The following CHN2 variants were observed in gnomAD, a reference collection of about 807,000 sequenced individuals.
CHN2 encodes the protein chimerin 2.
Under a neutral mutation model 56.3 loss-of-function variants are expected in CHN2, and 35 were observed. That is an observed-to-expected ratio of 0.62 (90% confidence interval 0.47 to 0.82). CHN2 has a LOEUF of 0.82. Ranked by LOEUF, CHN2 falls within the 40% of genes least tolerant of loss-of-function variation. The pLI, the probability that CHN2 is intolerant of heterozygous loss-of-function variation, is 0.00. For missense variants in CHN2, 491 were observed against 580.5 expected, an observed-to-expected ratio of 0.85 and a Z score of 1.58; for synonymous variants, 210 against 212.8, an observed-to-expected ratio of 0.99 and a Z score of 0.12.
intron 1 of CHN2, among the ~76,000 whole-genome samples, chr7:29,319,367 A>C (rs866288159): frequency 2.6e-5 from 4 of 152,080 alleles, no homozygotes; most frequent in Admixed American, 6.6e-5. Context: ...TGAGGGGAGG[A>C]GGAGGAGAAA....
At chr7:29,397,845 G>A (rs1350059181) in intron 4 of CHN2, 2 of 152,436 alleles carry the variant, frequency 1.3e-5, no homozygotes, top group Admixed American at 1.3e-4. Context: ...ATACCCATAA[G>A]CTATTGCTCT....
intron 1 of CHN2, among the ~76,000 whole-genome samples, chr7:29,354,081 G>A (rs886247315): frequency 1.3e-4 from 20 of 152,206 alleles, no homozygotes; most frequent in African/African-American, 4.6e-4. Context: ...TAAGTCACAC[G>A]TTGGAGTTAA....
chr7:29,230,528 A>G (rs1786593774), intron 1 of CHN2, among the ~76,000 whole-genome samples: 1 of 152,150 alleles, frequency 6.6e-6, no homozygotes, highest in African/African-American at 2.4e-5. Context: ...TTTAGTAGAG[A>G]CGGAGTTTCA....
chr7:29,341,162 G>C (rs765185312), intron 1 of CHN2, among the ~76,000 whole-genome samples: 1 of 152,184 alleles, frequency 6.6e-6, no homozygotes, highest in Non-Finnish European at 1.5e-5. Flanking sequence ...TTATTGACAA[G>C]AGCACGGTTT....
chr7:29,169,569 A>C (rs1352910633), intron 2 of CHN2, among the ~76,000 whole-genome samples: 1 of 152,210 alleles, frequency 6.6e-6, no homozygotes, highest in Non-Finnish European at 1.5e-5. Context: ...CTGACGGTGT[A>C]CTGAAGAGTA....
At chr7:29,165,677 T>A (rs1401065869) in intron 2 of CHN2, among the ~76,000 whole-genome samples, 1 of 152,240 alleles carries the variant, frequency 6.6e-6, no homozygotes, top group Admixed American at 6.5e-5. Flanking sequence ...AGGTGTTAAC[T>A]GTAGGCTTTT....
chr7:29,303,505 T>C (rs954618436), intron 1 of CHN2, among the ~76,000 whole-genome samples: 11 of 152,172 alleles, frequency 7.2e-5, no homozygotes, highest in African/African-American at 2.7e-4. Context: ...CAGTTCCACC[T>C]GGGAGGTTAT....
chr7:29,369,416 T>G (rs1370989756), intron 3 of CHN2, among the ~76,000 whole-genome samples: 1 of 152,238 alleles, frequency 6.6e-6, no homozygotes, highest in East Asian at 1.9e-4. Flanking sequence ...CTGTTTATTC[T>G]GTAAATATAT....
At chr7:29,344,702 T>G (rs1394400884) in intron 1 of CHN2, among the ~76,000 whole-genome samples, 1 of 152,140 alleles carries the variant, frequency 6.6e-6, no homozygotes, top group East Asian at 1.9e-4. Flanking sequence ...TACTCTTCTC[T>G]TTGTCTTTGG....
At chr7:29,154,456 C>A (rs1276323773) in intron 2 of CHN2, among the ~76,000 whole-genome samples, 3 of 152,106 alleles carry the variant, frequency 2.0e-5, no homozygotes, top group African/African-American at 7.2e-5. Context: ...AAACTGGATT[C>A]TTTTTCAAAA....
intron 1 of CHN2, among the ~76,000 whole-genome samples, chr7:29,222,096 G>A (rs1355222461): frequency 6.6e-6 from 1 of 152,220 alleles, no homozygotes; most frequent in Admixed American, 6.5e-5. Flanking sequence ...AATCAGGAAG[G>A]ATCTCCCATT....
At chr7:29,415,683 A>G (rs76344176) in intron 6 of CHN2, among the ~76,000 whole-genome samples, 150 of 152,266 alleles carry the variant, frequency 9.9e-4, no homozygotes, top group African/African-American at 3.5e-3. Context: ...AGTAGTCTCC[A>G]AAGTGTGGAT....
upstream of CHN2, among the ~76,000 whole-genome samples, chr7:29,191,048 C>T (rs1353094488): frequency 1.3e-5 from 2 of 152,088 alleles, no homozygotes; most frequent in South Asian, 2.1e-4. Context: ...AATTCTCCCC[C>T]CTCAGCCTCC....
At chr7:29,508,091 T>C (rs1039082074) in intron 11 of CHN2, among the ~76,000 whole-genome samples, 8 of 152,234 alleles carry the variant, frequency 5.3e-5, no homozygotes, top group Non-Finnish European at 1.0e-4. Context: ...AATTCTCTCA[T>C]GTACCCCATG....
intron 6 of CHN2, among the ~76,000 whole-genome samples, chr7:29,437,585 G>C (rs1216648503): frequency 1.6e-4 from 11 of 70,766 alleles, no homozygotes; most frequent in African/African-American, 1.7e-4. Flanking sequence ...GCGACAGAGC[G>C]AGACTCCGTC....
chr7:29,148,950 A>AT (rs924599864), intron 2 of CHN2, among the ~76,000 whole-genome samples: 1 of 152,052 alleles, frequency 6.6e-6, no homozygotes, highest in Non-Finnish European at 1.5e-5. Context: ...ACATTAAAAA[A>AT]TGAATAGCCA....
intron 6 of CHN2, among the ~76,000 whole-genome samples, chr7:29,460,115 A>G (rs928097610): frequency 5.9e-5 from 9 of 152,146 alleles, no homozygotes; most frequent in African/African-American, 2.2e-4. Flanking sequence ...ACCCCCAGAG[A>G]TTCTGATTTA....
chr7:29,332,878 T>C (rs1254397463), intron 1 of CHN2: 1 of 151,876 alleles, frequency 6.6e-6, no homozygotes, highest in African/African-American at 2.4e-5. Flanking sequence ...CATAACCCCA[T>C]CATAAGTTGA....
chr7:29,387,493 T>G (rs1801009127), intron 3 of CHN2, among the ~76,000 whole-genome samples: 1 of 152,240 alleles, frequency 6.6e-6, no homozygotes, highest in Non-Finnish European at 1.5e-5. Flanking sequence ...CATTCCCAAT[T>G]AGAAACCAGC....
Sources: allele counts gnomAD v4.1 joint callset (sites outside exome capture counted in the v4.1 genomes callset), GRCh38; gene constraint gnomAD v4.1.1; transcripts MANE v1.5; gene names NCBI Gene and HGNC (gene_info 2026-07-23, HGNC 2026-07-21).